The following PIP5K1A variants were observed in gnomAD, a reference collection of about 807,000 sequenced individuals.
PIP5K1A encodes the protein phosphatidylinositol 4-phosphate 5-kinase type-1 alpha.
PIP5K1A carries 46 observed loss-of-function variants against 72.9 expected under a neutral mutation model. The ratio of observed to expected loss-of-function variants is 0.63; its 90% CI spans 0.50 to 0.81. The LOEUF (loss-of-function observed/expected upper bound fraction) is 0.81, where lower values mean the gene tolerates loss of function less well. Among genes scored for constraint, PIP5K1A ranks in the 30% least tolerant of loss-of-function variants. The pLI is 0.00. For missense variants in PIP5K1A, 458 were observed against 706.1 expected, an observed-to-expected ratio of 0.65 and a Z score of 3.98; for synonymous variants, 228 against 255.1, an observed-to-expected ratio of 0.89 and a Z score of 1.01.
intron 14 of PIP5K1A, 130 bp downstream of exon 14, chr1:151,242,697 A>G (rs1385137101): frequency 1.2e-6 from 1 of 824,924 alleles, no homozygotes; most frequent in African/African-American, 1.7e-5. Flanking sequence ...AACATATATC[A>G]TACTTTCTGT....
upstream of PIP5K1A, among the ~76,000 whole-genome samples, chr1:151,196,946 T>C (rs1205821885): frequency 6.7e-6 from 1 of 148,634 alleles, no homozygotes; most frequent in Non-Finnish European, 1.5e-5. Context: ...CTGCAACCTC[T>C]GCCTCCTGGG....
chr1:151,202,992 C>G (rs1685420168), intron 1 of PIP5K1A, among the ~76,000 whole-genome samples: 1 of 151,782 alleles, frequency 6.6e-6, no homozygotes, highest in South Asian at 2.1e-4. Context: ...TGGTCTCAAA[C>G]TCCTGACCTC....
chr1:151,231,900 T>C, intron 5 of PIP5K1A, 99 bp downstream of exon 5: 1 of 1,084,996 alleles, frequency 9.2e-7, no homozygotes, highest in South Asian at 1.3e-5. Context: ...TTTAGACATG[T>C]GTCCATTTCT....
chr1:151,208,857 C>G (rs1245794432), intron 1 of PIP5K1A, among the ~76,000 whole-genome samples: 1 of 150,074 alleles, frequency 6.7e-6, no homozygotes, highest in Non-Finnish European at 1.5e-5. Flanking sequence ...CTCAGCCTCC[C>G]GAGTAGCTGG....
chr1:151,217,388 C>T (rs747893379), intron 1 of PIP5K1A, among the ~76,000 whole-genome samples: 1 of 152,126 alleles, frequency 6.6e-6, no homozygotes, highest in Non-Finnish European at 1.5e-5. Flanking sequence ...TGTGAACTAA[C>T]TTTACTTAAA....
Position 151,198,968 on chromosome 1 carries a change from A to T in PIP5K1A, c.-29A>T. The T allele has an allele frequency of 6.2e-7, 1 of 1,605,404 alleles. No homozygotes were observed. The highest frequency in any genetic ancestry group is 2.2e-5 in the East Asian group (1 of 44,844). On this transcript the variant is annotated 5_prime_UTR_variant, in exon 1 of 16. Coordinates refer to ENST00000368888, the MANE Select transcript of PIP5K1A (RefSeq NM_001135638.2). ...GGAAGAACCGGATTGAAAGAGAGCCAGGCCGCTGAGGGGGAGGGGGCTGCT... is the reference window on the plus strand; with the variant it reads ...GGAAGAACCGGATTGAAAGAGAGCCTGGCCGCTGAGGGGGAGGGGGCTGCT...
rs777179482 is a variant in PIP5K1A, at chr1:151,199,071, C to T, written c.75C>T (p.Thr25=). 1.4e-5 allele frequency: 22 copies of T among 1,614,126 alleles called. No individual in the cohort carries two copies. The highest frequency in any genetic ancestry group is 1.8e-5 in the Non-Finnish European group (21 of 1,180,028). ...SSFDPAVPSC[T]LSSAASGIKR... ...TTGATCCCGCGGTCCCTTCCTGTAC[C>T]TTGTCCTCAGGTAAGCCCGGCAGGG... Residue 25 remains threonine, a synonymous_variant, in exon 1 of 16, where the codon ACC becomes ACT. Coordinates refer to ENST00000368888, the MANE Select transcript of PIP5K1A (RefSeq NM_001135638.2).
chr1:151,239,794 C>G lies in PIP5K1A; in HGVS notation c.1279-161C>G, dbSNP rs376518170. 1.2e-4 allele frequency among the ~76,000 whole-genome samples: 19 copies of G among 152,286 alleles called. No homozygotes were observed. In the South Asian group the frequency reaches 3.9e-3, roughly 32 times the overall value. On this transcript the variant is annotated intron_variant, in intron 11 of 15. Coordinates refer to ENST00000368888, the MANE Select transcript of PIP5K1A (RefSeq NM_001135638.2). ...CCGCCCACCTCAGCTTCCCAAAATG[C>G]TAGGATTACAGGTGTGAGCCACTAC...
At chr1:151,241,164 C>CA (rs1414512656) in intron 12 of PIP5K1A, among the ~76,000 whole-genome samples, 3 of 150,062 alleles carry the variant, frequency 2.0e-5, no homozygotes. Context: ...AACTTCATCT[C>CA]AAAAAAAGTT....
At chr1:151,244,535 A>G (rs1320524499) in intron 14 of PIP5K1A, among the ~76,000 whole-genome samples, 1 of 152,208 alleles carries the variant, frequency 6.6e-6, no homozygotes, top group Admixed American at 6.5e-5. Flanking sequence ...ATGTTCCTGT[A>G]GTCCAAGTTA....
At chr1:151,239,901 T>TAGA in intron 11 of PIP5K1A, 54 bp from the exon 12 acceptor site, 1 of 1,244,016 alleles carries the variant, frequency 8.0e-7, no homozygotes, top group Non-Finnish European at 1.2e-6. Flanking sequence ...GCCCTTGGAC[T>TAGA]AGAGTTCCTC....
intron 5 of PIP5K1A, among the ~76,000 whole-genome samples, 198 bp from the exon 6 acceptor site, chr1:151,232,050 T>C (rs1450612369): frequency 2.6e-5 from 4 of 152,084 alleles, no homozygotes; most frequent in Admixed American, 2.0e-4. Context: ...GGCAGTGTGA[T>C]TTCTTCTTCT....
chr1:151,197,147 C>G (rs1684629557), upstream of PIP5K1A, among the ~76,000 whole-genome samples: 1 of 152,086 alleles, frequency 6.6e-6, no homozygotes, highest in Non-Finnish European at 1.5e-5. Flanking sequence ...CAGGCGTGAG[C>G]CACGGCGCCC....
chr1:151,242,041 A>ATACT, intron 12 of PIP5K1A, 82 bp from the exon 13 acceptor site: 1 of 1,422,958 alleles, frequency 7.0e-7, no homozygotes, highest in Non-Finnish European at 9.9e-7. Flanking sequence ...TGTGTTGGGG[A>ATACT]TACTAGCAAT....
chr1:151,241,215 A>G (rs587642635), intron 12 of PIP5K1A, among the ~76,000 whole-genome samples: 2 of 151,704 alleles, frequency 1.3e-5, no homozygotes, highest in African/African-American at 4.8e-5. Context: ...TTAAAGAAAA[A>G]GGGGGGCCAA....
chr1:151,246,071 A>T (rs1040168752), intron 14 of PIP5K1A, among the ~76,000 whole-genome samples: 2 of 151,646 alleles, frequency 1.3e-5, no homozygotes, highest in Admixed American at 1.3e-4. Flanking sequence ...ACATGATGAA[A>T]CCCCATCTGT....
rs1327470594 is a variant in PIP5K1A at position 151,239,994 on chromosome 1, C to T, written c.1318C>T (p.Arg440Trp). 2 of 1,612,242 alleles carry T rather than the reference C, an allele frequency of 1.2e-6. No individual in the cohort carries two copies. Among genetic ancestry groups the T allele is most frequent in the Admixed American group, 1.7e-5 (1 of 59,626 alleles). Residue 440 changes from arginine (R) to tryptophan (W), a missense_variant, in exon 12 of 16, where the codon CGG becomes TGG. Coordinates refer to ENST00000368888, the MANE Select transcript of PIP5K1A (RefSeq NM_001135638.2). The part of the protein sequence containing the change: ...SVHRPGFYAE[R>W]FQRFMCNTVF... ...GCATCGCCCAGGCTTCTACGCTGAA[C>T]GGTTCCAGCGCTTCATGTGCAACAC...
chr1:151,221,739 G>T (rs1027501041), intron 1 of PIP5K1A, among the ~76,000 whole-genome samples: 1 of 152,128 alleles, frequency 6.6e-6, no homozygotes, highest in African/African-American at 2.4e-5. Flanking sequence ...CAGTATTCTG[G>T]TTTTATCCAT....
chr1:151,218,748 G>A (rs1165513075), intron 1 of PIP5K1A, among the ~76,000 whole-genome samples: 3 of 148,728 alleles, frequency 2.0e-5, no homozygotes, highest in South Asian at 2.1e-4. Flanking sequence ...CAGGAGAATC[G>A]CTTGAACCTG....
Sources: gnomAD v4.1 joint callset for allele counts (sites outside exome capture counted in the v4.1 genomes callset) on GRCh38, gnomAD v4.1.1 for gene constraint, MANE v1.5 for transcripts, NCBI Gene and HGNC (gene_info 2026-07-23, HGNC 2026-07-21) for gene names.